Variants in FOS observed in about 807,000 individuals in gnomAD.
FOS encodes protein c-Fos.
A neutral mutation model predicts 27.2 loss-of-function variants in FOS; 9 were observed. The observed-to-expected ratio is 0.33, with a 90% CI of 0.20 to 0.58. The LOEUF (loss-of-function observed/expected upper bound fraction) is 0.58. Ranked by LOEUF, FOS falls within the 20% of genes least tolerant of loss-of-function variation. The probability of loss-of-function intolerance (pLI) is 0.87; values close to 1 mark genes in which losing one functional copy is unlikely to be tolerated. For synonymous variants in FOS, 213 were observed against 205.1 expected (o/e 1.04, Z -0.33); for missense variants, 405 against 483.5 (o/e 0.84, Z 1.52).
At position 75,281,376 on chromosome 14, in the gene FOS, T is replaced by G; in HGVS notation, c.1095T>G (p.Asn365Lys). Residue 365 changes from asparagine to lysine, a missense_variant, in exon 4 of 4, where the codon AAT becomes AAG. Physicochemically the swap from Asn to Lys is moderately conservative, Grantham distance 94 (BLOSUM62 0). Coordinates refer to ENST00000303562, the MANE Select transcript of FOS (RefSeq NM_005252.4). This position sits in a 1 kb window ranked among gnomAD's most constrained non-coding sequence, Gnocchi z 4.7. The stretch of plus-strand genomic sequence containing the variant: ...CCCACCGCAAGGGCAGCAGCAGCAA[T>G]GAGCCTTCCTCTGACTCGCTCAGCT... ...AAAHRKGSSS[N>K]EPSSDSLSSP... The G allele has an allele frequency of 6.2e-7, 1 of 1,611,822 alleles. No homozygotes were observed. Among genetic ancestry groups the G allele is most frequent in the Non-Finnish European group, 8.5e-7 (1 of 1,180,016 alleles).
At position 75,280,946 on chromosome 14, in the gene FOS, A is replaced by G. The variant is rs1324128469; in HGVS notation, c.665A>G (p.Asp222Gly). ...GAAGAGATGTCTGTGGCTTCCCTTG[A>G]TCTGACTGGGGGCCTGCCAGAGGTT... ...FPEEMSVASL[D>G]LTGGLPEVAT... The change falls in exon 4 of 4, where the codon GAT becomes GGT. Residue 222 changes from aspartate to glycine, a missense_variant. Transcript: ENST00000303562. The G allele has an allele frequency of 1.9e-6, 3 of 1,614,150 alleles. No individual in the cohort carries two copies. Among genetic ancestry groups the G allele is most frequent in the Non-Finnish European group, 2.5e-6 (3 of 1,180,006 alleles).
chr14:75,281,465 A>G lies in FOS; in HGVS notation c.*41A>G. The G allele has an allele frequency of 6.3e-7, 1 of 1,592,706 alleles. No homozygotes were observed. Among genetic ancestry groups the G allele is most frequent in the Non-Finnish European group, 8.5e-7 (1 of 1,171,804 alleles). ...GAGGCAGCCGGCACCCACAAGTGCC[A>G]CTGCCCGAGCTGGTGCATTACAGAG... On this transcript the variant is annotated 3_prime_UTR_variant, in exon 4 of 4. Coordinates refer to ENST00000303562, the MANE Select transcript of FOS (RefSeq NM_005252.4). This position sits in a 1 kb window ranked among gnomAD's most constrained non-coding sequence, Gnocchi z 4.7.
intron 2 of FOS, 70 bp from the exon 3 acceptor site, chr14:75,280,490 T>A: frequency 8.0e-7 from 1 of 1,252,382 alleles, no homozygotes; most frequent in Non-Finnish European, 1.1e-6. Flanking sequence ...CCAGTTCTAC[T>A]GGGGTGGGTG....
In FOS at chr14:75,280,936, G is replaced by A; in HGVS notation, c.655G>A (p.Ala219Thr). ...DLGFPEEMSV[A>T]SLDLTGGLPE... is the part of the protein sequence containing the mutation. ...GGGCTTCCCAGAAGAGATGTCTGTG[G>A]CTTCCCTTGATCTGACTGGGGGCCT... Residue 219 changes from alanine (A) to threonine (T), a missense_variant, in exon 4 of 4, where the codon GCT becomes ACT. Physicochemically the swap from Ala to Thr is moderately conservative, Grantham distance 58. Coordinates refer to ENST00000303562, the MANE Select transcript of FOS (RefSeq NM_005252.4). 1 of 1,614,192 alleles carries A rather than the reference G, an allele frequency of 6.2e-7. No individual in the cohort carries two copies. Among genetic ancestry groups the A allele is most frequent in the South Asian group, 1.1e-5 (1 of 91,084 alleles).
intron 2 of FOS, 112 bp downstream of exon 2, chr14:75,280,240 C>T (rs1442534179): frequency 6.9e-7 from 1 of 1,441,330 alleles, no homozygotes. Context: ...GCTGGCTGCA[C>T]ATCCGTAACT....
rs1286962985 is a variant in FOS at position 75,281,419 on chromosome 14, C to T, written c.1138C>T (p.Leu380=). ...DSLSSPTLLA[L] is the part of the protein sequence containing the mutation. ...GCTCAGCTCACCCACGCTGCTGGCC[C>T]TGTGAGGGGGCAGGGAAGGGGAGGC... Residue 380 remains leucine, a synonymous_variant, in exon 4 of 4, where the codon CTG becomes TTG. Coordinates refer to ENST00000303562, the MANE Select transcript of FOS (RefSeq NM_005252.4). The surrounding 1 kb of genome is among the most constrained non-coding windows in gnomAD (Gnocchi z 4.7). 1 of 1,610,162 alleles carries T rather than the reference C, an allele frequency of 6.2e-7. No homozygotes were observed. The highest frequency in any genetic ancestry group is 2.2e-5 in the East Asian group (1 of 44,874).
In FOS at chr14:75,279,360, C is replaced by G. The variant is rs1456254992; in HGVS notation, c.141+237C>G. The G allele has an allele frequency of 5.1e-6, 3 of 591,536 alleles. No individual in the cohort carries two copies. Among genetic ancestry groups the G allele is most frequent in the Non-Finnish European group, 8.9e-6 (3 of 335,400 alleles). 36.6% of individuals were successfully genotyped at this position (591,536 alleles called of 1,614,324 possible). ...AGGTTCGTTCTGAGCAACCTCTGGT[C>G]TGCACTCCAGGACGGATCTCTGACA... On this transcript the variant is annotated intron_variant, in intron 1 of 3. Coordinates refer to ENST00000303562, the MANE Select transcript of FOS (RefSeq NM_005252.4). The surrounding 1 kb of genome is among the most constrained non-coding windows in gnomAD (Gnocchi z 5.4).
chr14:75,281,361 G>A lies in FOS; in HGVS notation c.1080G>A (p.Lys360=), dbSNP rs1213033620. Residue 360 remains lysine (K), a synonymous_variant, in exon 4 of 4, where the codon AAG becomes AAA. Coordinates refer to ENST00000303562, the MANE Select transcript of FOS (RefSeq NM_005252.4). The surrounding 1 kb of genome is among the most constrained non-coding windows in gnomAD (Gnocchi z 4.7). ...CCAGCTGTGCAGCTGCCCACCGCAA[G>A]GGCAGCAGCAGCAATGAGCCTTCCT... is the stretch of plus-strand genomic sequence containing the variant. The part of the protein sequence containing the change: ...SFPSCAAAHR[K]GSSSNEPSSD... 1 of 1,611,294 alleles carries A rather than the reference G, an allele frequency of 6.2e-7. No individual in the cohort carries two copies. The highest frequency in any genetic ancestry group is 1.1e-5 in the South Asian group (1 of 91,092).
Position 75,278,873 on chromosome 14 carries a change from G to T in FOS, c.-110G>T. The T allele has an allele frequency of 2.2e-6, 3 of 1,353,996 alleles. No individual in the cohort carries two copies. The South Asian group carries it at 3.8e-5, about 17-fold the overall frequency. 83.9% of individuals were successfully genotyped at this position (1,353,996 alleles called of 1,614,324 possible). ...TCTGAGAAGCCAAGACTGAGCCGGC[G>T]GCCGCGGCGCAGCGAACGAGCAGTG... On this transcript the variant is annotated 5_prime_UTR_variant, in exon 1 of 4. Coordinates refer to ENST00000303562, the MANE Select transcript of FOS (RefSeq NM_005252.4). The surrounding 1 kb of genome is among the most constrained non-coding windows in gnomAD (Gnocchi z 4.1).
rs1897229471 is a variant in FOS, at chr14:75,281,441, A to G, written c.*17A>G. The G allele has an allele frequency of 6.2e-7, 1 of 1,604,518 alleles. No homozygotes were observed. On this transcript the variant is annotated 3_prime_UTR_variant, in exon 4 of 4. Coordinates refer to ENST00000303562, the MANE Select transcript of FOS (RefSeq NM_005252.4). This position sits in a 1 kb window ranked among gnomAD's most constrained non-coding sequence, Gnocchi z 4.7. ...GCCCTGTGAGGGGGCAGGGAAGGGGAGGCAGCCGGCACCCACAAGTGCCAC... is the reference window on the plus strand; with the variant it reads ...GCCCTGTGAGGGGGCAGGGAAGGGGGGGCAGCCGGCACCCACAAGTGCCAC...
In FOS at chr14:75,278,942, C is replaced by T. The variant is rs1279977290; in HGVS notation, c.-41C>T. On this transcript the variant is annotated 5_prime_UTR_variant, in exon 1 of 4. Coordinates refer to ENST00000303562, the MANE Select transcript of FOS (RefSeq NM_005252.4). The surrounding 1 kb of genome is among the most constrained non-coding windows in gnomAD (Gnocchi z 4.1). ...TCTGCTCCACAGCGCCCACCTGTCT[C>T]CGCCCCTCGGCCCCTCGCCCGGCTT... 1 of 1,611,344 alleles carries T rather than the reference C, an allele frequency of 6.2e-7. No homozygotes were observed. Among genetic ancestry groups the T allele is most frequent in the Admixed American group, 1.7e-5 (1 of 59,886 alleles).
At position 75,281,534 on chromosome 14, in the gene FOS, A is replaced by T; in HGVS notation, c.*110A>T. 1 of 1,236,634 alleles carries T rather than the reference A, an allele frequency of 8.1e-7. No homozygotes were observed. Among genetic ancestry groups the T allele is most frequent in the East Asian group, 2.5e-5 (1 of 39,618 alleles). 76.6% of individuals were successfully genotyped at this position (1,236,634 alleles called of 1,614,324 possible). Reference sequence around the variant, plus strand: ...CTAGAGGGTTCCTGTAGACCTAGGGAGGACCTTATCTGTGCGTGAAACACA... The same window carrying T: ...CTAGAGGGTTCCTGTAGACCTAGGGTGGACCTTATCTGTGCGTGAAACACA... On this transcript the variant is annotated 3_prime_UTR_variant, in exon 4 of 4. Transcript: ENST00000303562. The surrounding 1 kb of genome is among the most constrained non-coding windows in gnomAD (Gnocchi z 4.7).
chr14:75,280,013 C>T lies in FOS; in HGVS notation c.278C>T (p.Pro93Leu). 1 of 1,614,162 alleles carries T rather than the reference C, an allele frequency of 6.2e-7. No homozygotes were observed. The highest frequency in any genetic ancestry group is 8.5e-7 in the Non-Finnish European group (1 of 1,180,018). The change falls in exon 2 of 4, where the codon CCT becomes CTT. Residue 93 changes from proline to leucine, a missense_variant. Coordinates refer to ENST00000303562, the MANE Select transcript of FOS (RefSeq NM_005252.4). Reference sequence around the variant, plus strand: ...GTGGCCCCATCGCAGACCAGAGCCCCTCACCCTTTCGGAGTCCCCGCCCCC... The same window carrying T: ...GTGGCCCCATCGCAGACCAGAGCCCTTCACCCTTTCGGAGTCCCCGCCCCC... ...SSVAPSQTRAPHPFGVPAPSA... is the reference protein window; with the variant it reads ...SSVAPSQTRALHPFGVPAPSA...
chr14:75,280,018 C>T lies in FOS; in HGVS notation c.283C>T (p.Pro95Ser), dbSNP rs1452209833. 6.2e-7 allele frequency: 1 copy of T among 1,614,064 alleles called. No homozygotes were observed. The highest frequency in any genetic ancestry group is 8.5e-7 in the Non-Finnish European group (1 of 1,180,030). ...VAPSQTRAPH[P>S]FGVPAPSAGA... ...CCCATCGCAGACCAGAGCCCCTCAC[C>T]CTTTCGGAGTCCCCGCCCCCTCCGC... The change falls in exon 2 of 4, where the codon CCT (proline) becomes TCT (serine). Residue 95 changes from proline to serine, a missense_variant. Coordinates refer to ENST00000303562, the MANE Select transcript of FOS (RefSeq NM_005252.4).
In FOS at chr14:75,281,156, T is replaced by G; in HGVS notation, c.875T>G (p.Met292Arg). The change falls in exon 4 of 4, where the codon ATG becomes AGG. Residue 292 changes from methionine (M) to arginine (R), a missense_variant. By Grantham distance (91) the Met-to-Arg change is moderately conservative (BLOSUM62 -1). Transcript: ENST00000303562. The surrounding 1 kb of genome is among the most constrained non-coding windows in gnomAD (Gnocchi z 4.7). The stretch of plus-strand genomic sequence containing the variant: ...GAGACAGCCCGCTCCGTGCCAGACA[T>G]GGACCTATCTGGGTCCTTCTATGCA... ...GSETARSVPD[M>R]DLSGSFYAAD... 6.2e-7 allele frequency: 1 copy of G among 1,610,982 alleles called. No homozygotes were observed.
At position 75,279,854 on chromosome 14, in the gene FOS, T is replaced by G; in HGVS notation, c.142-23T>G. The stretch of plus-strand genomic sequence containing the variant: ...CCGGAACCTGCTCGCTCACGTCGGC[T>G]TTCCCCTTCTGTTTTGTTCTAGGAC... On this transcript the variant is annotated intron_variant, in intron 1 of 3. Transcript: ENST00000303562. The surrounding 1 kb of genome is among the most constrained non-coding windows in gnomAD (Gnocchi z 5.4). 1.3e-6 allele frequency: 2 copies of G among 1,566,468 alleles called. No homozygotes were observed. The highest frequency in any genetic ancestry group is 2.3e-5 in the South Asian group (2 of 85,918).
chr14:75,281,476 T>C lies in FOS; in HGVS notation c.*52T>C, dbSNP rs1194420353. On this transcript the variant is annotated 3_prime_UTR_variant, in exon 4 of 4. Coordinates refer to ENST00000303562, the MANE Select transcript of FOS (RefSeq NM_005252.4). This position sits in a 1 kb window ranked among gnomAD's most constrained non-coding sequence, Gnocchi z 4.7. The stretch of plus-strand genomic sequence containing the variant: ...CACCCACAAGTGCCACTGCCCGAGC[T>C]GGTGCATTACAGAGAGGAGAAACAC... 1 of 1,575,700 alleles carries C rather than the reference T, an allele frequency of 6.3e-7. No individual in the cohort carries two copies. Among genetic ancestry groups the C allele is most frequent in the Non-Finnish European group, 8.6e-7 (1 of 1,161,844 alleles).
Position 75,279,238 on chromosome 14 carries a change from C to A in FOS, c.141+115C>A. The A allele has an allele frequency of 7.1e-7, 1 of 1,410,280 alleles. No individual in the cohort carries two copies. Among genetic ancestry groups the A allele is most frequent in the Non-Finnish European group, 9.7e-7 (1 of 1,033,998 alleles). 87.4% of individuals were successfully genotyped at this position (1,410,280 alleles called of 1,614,324 possible). On this transcript the variant is annotated intron_variant, in intron 1 of 3. Coordinates refer to ENST00000303562, the MANE Select transcript of FOS (RefSeq NM_005252.4). This position sits in a 1 kb window ranked among gnomAD's most constrained non-coding sequence, Gnocchi z 5.4. Reference sequence around the variant, plus strand: ...GGGCTCCCTTGTGCCTGGAGGGAGGCTGCCGTGGCCGGAGCGGTGCCGGCT... The same window carrying A: ...GGGCTCCCTTGTGCCTGGAGGGAGGATGCCGTGGCCGGAGCGGTGCCGGCT...
At position 75,280,005 on chromosome 14, in the gene FOS, C is replaced by A. The variant is rs753551210; in HGVS notation, c.270C>A (p.Thr90=). The change falls in exon 2 of 4, where the codon ACC becomes ACA. Residue 90 remains threonine (T), a synonymous_variant. Transcript: ENST00000303562. ...TCTCCTCCGTGGCCCCATCGCAGAC[C>A]AGAGCCCCTCACCCTTTCGGAGTCC... ...ALVSSVAPSQ[T]RAPHPFGVPA... The A allele has an allele frequency of 6.2e-7, 1 of 1,614,182 alleles. No homozygotes were observed. Among genetic ancestry groups the A allele is most frequent in the South Asian group, 1.1e-5 (1 of 91,080 alleles).
Sources: gnomAD v4.1 joint callset for allele counts on GRCh38, gnomAD v4.1.1 for gene constraint, Gnocchi (gnomAD v3.1) non-coding constraint, MANE v1.5 for transcripts, NCBI Gene and HGNC (gene_info 2026-07-23, HGNC 2026-07-21) for gene names.